Variants in HMCN1 observed in about 807,000 individuals in gnomAD.
HMCN1 encodes hemicentin 1.
HMCN1 carries 321 observed loss-of-function variants against 625.9 expected under a neutral mutation model. That is an observed-to-expected ratio of 0.51 (90% CI 0.47 to 0.56). The LOEUF is 0.56. HMCN1 is among the 20% of genes least tolerant of loss of function. The probability of loss-of-function intolerance (pLI) is 0.00; values close to 1 mark genes in which losing one functional copy is unlikely to be tolerated. For missense variants in HMCN1, 6,588 were observed against 6,887.3 expected, an observed-to-expected ratio of 0.96 and a Z score of 1.54; for synonymous variants, 2,425 against 2,417.6, an observed-to-expected ratio of 1.00 and a Z score of -0.09.
intron 36 of HMCN1, among the ~76,000 whole-genome samples, chr1:186,030,600 A>G (rs1439493767): frequency 6.6e-6 from 1 of 152,006 alleles, no homozygotes; most frequent in Non-Finnish European, 1.5e-5. Flanking sequence ...TATTATAGGC[A>G]ACATACAGTT....
chr1:185,972,416 G>T (rs2101975292), intron 15 of HMCN1, among the ~76,000 whole-genome samples: 1 of 152,212 alleles, frequency 6.6e-6, no homozygotes, highest in African/African-American at 2.4e-5. Context: ...CATTGGATTA[G>T]GAAACAACCT....
chr1:185,982,203 G>T, intron 17 of HMCN1, 59 bp from the exon 18 acceptor site: 1 of 1,575,646 alleles, frequency 6.3e-7, no homozygotes. Flanking sequence ...CTGTGAAGTG[G>T]CTTACCTTTC....
At chr1:185,873,287 CTT>C (rs1298320053) in intron 4 of HMCN1, among the ~76,000 whole-genome samples, 1 of 152,090 alleles carries the variant, frequency 6.6e-6, no homozygotes, top group Non-Finnish European at 1.5e-5. Flanking sequence ...ACCTCAAAGT[CTT>C]TGAAAAACTC....
chr1:185,986,195 T>G (rs1223508039), intron 19 of HMCN1, among the ~76,000 whole-genome samples: 1 of 152,112 alleles, frequency 6.6e-6, no homozygotes, highest in Non-Finnish European at 1.5e-5. Flanking sequence ...ATCTAAAGAG[T>G]GAACCCAGCC....
intron 2 of HMCN1, among the ~76,000 whole-genome samples, chr1:185,861,359 C>A (rs1245793458): frequency 6.6e-6 from 1 of 152,174 alleles, no homozygotes; most frequent in Non-Finnish European, 1.5e-5. Context: ...TAGTAAAAGA[C>A]ATTTAATCTC....
At position 185,977,848 on chromosome 1, in the gene HMCN1, A is replaced by C. The variant is rs143473950; in HGVS notation, c.2433A>C (p.Thr811=). The change falls in exon 16 of 107, where the codon ACA becomes ACC. Residue 811 remains threonine (T), a synonymous_variant. Transcript: ENST00000271588. ...CTATGGAAATTGGCTCAAATGTGAC[A>C]TTACCTTGTTATGTTCAGGGTTATC... ...DVSMEIGSNV[T]LPCYVQGYPE... 6.2e-7 allele frequency: 1 copy of C among 1,613,316 alleles called. No homozygotes were observed. Among genetic ancestry groups the C allele is most frequent in the South Asian group, 1.1e-5 (1 of 91,070 alleles).
At chr1:186,066,412 C>A (rs769570405) in intron 49 of HMCN1, among the ~76,000 whole-genome samples, 1 of 152,060 alleles carries the variant, frequency 6.6e-6, no homozygotes, top group African/African-American at 2.4e-5. Flanking sequence ...CCAATCTACC[C>A]GGCCAAAAGT....
At chr1:186,144,383 T>C in intron 90 of HMCN1, 40 bp downstream of exon 90, 1 of 1,599,706 alleles carries the variant, frequency 6.3e-7, no homozygotes, top group South Asian at 1.1e-5. Flanking sequence ...TAAATTAACA[T>C]CTACCTATCT....
chr1:186,128,162 C>G lies in HMCN1; in HGVS notation c.12775C>G (p.Leu4259Val). ...CACTGTCAGCCTGACTGTGCATGTT[C>G]TCCCCACTTTTACTGAACTTCCTGG... The part of the protein sequence containing the change: ...THTVSLTVHV[L>V]PTFTELPGDV... Residue 4259 changes from leucine to valine, a missense_variant, in exon 83 of 107, where the codon CTC becomes GTC. Coordinates refer to ENST00000271588, the MANE Select transcript of HMCN1 (RefSeq NM_031935.3). 1 of 1,613,694 alleles carries G rather than the reference C, an allele frequency of 6.2e-7. No homozygotes were observed. The highest frequency in any genetic ancestry group is 8.5e-7 in the Non-Finnish European group (1 of 1,179,770).
chr1:185,935,000 T>A (rs888120145), intron 11 of HMCN1, among the ~76,000 whole-genome samples: 1 of 152,136 alleles, frequency 6.6e-6, no homozygotes, highest in African/African-American at 2.4e-5. Flanking sequence ...ATGTTGCTTT[T>A]GTAAATGATT....
At chr1:186,005,580 AAAAT>A (rs1035239178) in intron 29 of HMCN1, among the ~76,000 whole-genome samples, 1 of 152,000 alleles carries the variant, frequency 6.6e-6, no homozygotes, top group Non-Finnish European at 1.5e-5. Context: ...TTATAAATGT[AAAAT>A]AAAAACAAAA....
At chr1:185,920,606 C>T (rs1666953225) in intron 6 of HMCN1, among the ~76,000 whole-genome samples, 1 of 152,152 alleles carries the variant, frequency 6.6e-6, no homozygotes, top group Admixed American at 6.6e-5. Context: ...GCTCCCTCTT[C>T]ATCAAATCTA....
chr1:185,812,676 G>A (rs1041234168), intron 1 of HMCN1, among the ~76,000 whole-genome samples: 1 of 152,102 alleles, frequency 6.6e-6, no homozygotes, highest in African/African-American at 2.4e-5. Flanking sequence ...ATTGAAAACT[G>A]AATAATTGAG....
chr1:185,807,172 T>C (rs1659225720), intron 1 of HMCN1, among the ~76,000 whole-genome samples: 1 of 152,190 alleles, frequency 6.6e-6, no homozygotes, highest in Non-Finnish European at 1.5e-5. Context: ...AAATCCTGAA[T>C]ATGAAGACTT....
intron 69 of HMCN1, 142 bp from the exon 70 acceptor site, chr1:186,106,742 G>C (rs1170854797): frequency 1.5e-6 from 1 of 687,950 alleles, no homozygotes; most frequent in African/African-American, 1.8e-5. Context: ...TTCTATCAGA[G>C]TGCTAATCGT....
Position 186,171,327 on chromosome 1 carries a change from T to C in HMCN1, c.15575-10T>C. The C allele has an allele frequency of 6.3e-7, 1 of 1,598,996 alleles. No individual in the cohort carries two copies. Among genetic ancestry groups the C allele is most frequent in the Non-Finnish European group, 8.6e-7 (1 of 1,166,454 alleles). On this transcript the variant is annotated splice_polypyrimidine_tract_variant and intron_variant, in intron 100 of 106. Coordinates refer to ENST00000271588, the MANE Select transcript of HMCN1 (RefSeq NM_031935.3). ...ATAGCATATAATGAAAGTTTTGTTT[T>C]ATTTAACAGATATTAATGAATGTCA... is the stretch of plus-strand genomic sequence containing the variant.
chr1:186,078,549 G>A (rs566403675), intron 55 of HMCN1, among the ~76,000 whole-genome samples: 3 of 152,176 alleles, frequency 2.0e-5, no homozygotes, highest in South Asian at 2.1e-4. Flanking sequence ...TACCTCTCTC[G>A]ACTCTGCTTT....
At chr1:185,889,461 CTTA>C (rs1364504168) in intron 4 of HMCN1, among the ~76,000 whole-genome samples, 1 of 145,520 alleles carries the variant, frequency 6.9e-6, no homozygotes, top group Non-Finnish European at 1.5e-5. Flanking sequence ...ATAGATAGCT[CTTA>C]TTATTTTGAA....
At chr1:186,127,554 G>C (rs970926288) in intron 82 of HMCN1, among the ~76,000 whole-genome samples, 1 of 152,052 alleles carries the variant, frequency 6.6e-6, no homozygotes, top group African/African-American at 2.4e-5. Flanking sequence ...AGGTGGTTTC[G>C]CATAGAAAGG....
Sources: gnomAD v4.1 joint callset for allele counts (sites outside exome capture counted in the v4.1 genomes callset) on GRCh38, gnomAD v4.1.1 for gene constraint, MANE v1.5 for transcripts, NCBI Gene and HGNC (gene_info 2026-07-23, HGNC 2026-07-21) for gene names.